Variants in CCBE1 observed in about 807,000 individuals in gnomAD.
CCBE1 encodes collagen and calcium binding EGF domains 1, also known as collagen and calcium-binding EGF domain-containing protein 1.
Under a neutral mutation model 50.0 loss-of-function variants are expected in CCBE1, and 37 were observed. The observed-to-expected ratio is 0.74, with a 90% CI of 0.57 to 0.97. The LOEUF is 0.97. Ranked by LOEUF, CCBE1 falls within the 50% of genes least tolerant of loss-of-function variation. The probability of loss-of-function intolerance (pLI) is 0.00; values close to 1 mark genes in which losing one functional copy is unlikely to be tolerated. For synonymous variants in CCBE1, 234 were observed against 203.7 expected, an observed-to-expected ratio of 1.15 and a Z score of -1.27; for missense variants, 538 against 523.8, an observed-to-expected ratio of 1.03 and a Z score of -0.26.
intron 5 of CCBE1, chr18:59,465,612 C>A (rs1182709946): frequency 6.6e-6 from 1 of 152,152 alleles, no homozygotes; most frequent in East Asian, 1.9e-4. Flanking sequence ...ATGTAAAATG[C>A]AAGCATAAAT....
At chr18:59,452,335 G>T (rs193275853) in intron 6 of CCBE1, among the ~76,000 whole-genome samples, 2 of 152,236 alleles carry the variant, frequency 1.3e-5, no homozygotes, top group Non-Finnish European at 2.9e-5. Context: ...GCTCATGCCT[G>T]TAATCCCAGG....
intron 2 of CCBE1, among the ~76,000 whole-genome samples, chr18:59,658,492 C>T (rs2054235809): frequency 1.4e-5 from 2 of 139,756 alleles, no homozygotes; most frequent in African/African-American, 5.3e-5. Context: ...TGCTCTAGCC[C>T]AAGAGCTCAA....
At chr18:59,692,027 G>A (rs1367471683) in intron 2 of CCBE1, among the ~76,000 whole-genome samples, 1 of 152,174 alleles carries the variant, frequency 6.6e-6, no homozygotes, top group East Asian at 1.9e-4. Flanking sequence ...AGGAAACAAA[G>A]ATACTCTAAT....
At chr18:59,636,688 A>G (rs2053921354) in intron 2 of CCBE1, among the ~76,000 whole-genome samples, 1 of 152,244 alleles carries the variant, frequency 6.6e-6, no homozygotes, top group Admixed American at 6.5e-5. Flanking sequence ...TCCTCACACT[A>G]AAGGAAAGTC....
At chr18:59,672,468 T>C (rs933463369) in intron 2 of CCBE1, among the ~76,000 whole-genome samples, 4 of 152,352 alleles carry the variant, frequency 2.6e-5, no homozygotes, top group Admixed American at 6.5e-5. Context: ...GGAATGCTTA[T>C]ACACCATAAA....
At chr18:59,464,520 C>A (rs1213304108) in intron 5 of CCBE1, among the ~76,000 whole-genome samples, 2 of 152,238 alleles carry the variant, frequency 1.3e-5, no homozygotes, top group African/African-American at 4.8e-5. Flanking sequence ...GTTTCCTCTG[C>A]CCTATGAACA....
intron 2 of CCBE1, among the ~76,000 whole-genome samples, chr18:59,547,426 T>C (rs779419358): frequency 7.9e-5 from 12 of 152,116 alleles, no homozygotes; most frequent in Non-Finnish European, 1.5e-5. Context: ...AGATGTCAAC[T>C]AGCAGTTGAC....
chr18:59,608,032 G>A (rs950462253), intron 2 of CCBE1, among the ~76,000 whole-genome samples: 6 of 152,118 alleles, frequency 3.9e-5, no homozygotes, highest in African/African-American at 7.2e-5. Context: ...CCGATATTGC[G>A]CCACTGCACT....
intron 2 of CCBE1, among the ~76,000 whole-genome samples, chr18:59,562,426 C>A (rs2052752963): frequency 6.6e-6 from 1 of 152,166 alleles, no homozygotes; most frequent in South Asian, 2.1e-4. Context: ...AATCAACCAG[C>A]TGCACAGAGA....
At chr18:59,651,791 G>A (rs2054131659) in intron 2 of CCBE1, among the ~76,000 whole-genome samples, 2 of 152,178 alleles carry the variant, frequency 1.3e-5, no homozygotes, top group Admixed American at 6.5e-5. Flanking sequence ...TATCAGTCCT[G>A]GGAAAGGGAA....
chr18:59,673,377 G>A (rs2054459790), intron 2 of CCBE1, among the ~76,000 whole-genome samples: 1 of 152,172 alleles, frequency 6.6e-6, no homozygotes, highest in Non-Finnish European at 1.5e-5. Context: ...CTTGAACCCA[G>A]GATGTGGAGG....
intron 2 of CCBE1, among the ~76,000 whole-genome samples, chr18:59,532,222 T>G (rs1339509487): frequency 6.6e-6 from 1 of 152,158 alleles, no homozygotes; most frequent in Non-Finnish European, 1.5e-5. Context: ...GATTTTTGTA[T>G]TTTTAGTAGA....
intron 2 of CCBE1, among the ~76,000 whole-genome samples, chr18:59,493,879 G>C (rs1913226367): frequency 6.6e-6 from 1 of 152,190 alleles, no homozygotes; most frequent in Non-Finnish European, 1.5e-5. Context: ...TATAGTAATA[G>C]TGAATAAATC....
At chr18:59,653,975 C>G (rs558479849) in intron 2 of CCBE1, among the ~76,000 whole-genome samples, 6 of 152,202 alleles carry the variant, frequency 3.9e-5, no homozygotes, top group African/African-American at 1.4e-4. Flanking sequence ...ATATTTATAG[C>G]TAGAAGGCTT....
At chr18:59,445,352 TAC>T (rs1168812734) in intron 7 of CCBE1, among the ~76,000 whole-genome samples, 3 of 152,334 alleles carry the variant, frequency 2.0e-5, no homozygotes, top group East Asian at 3.9e-4. Flanking sequence ...TAGTCCTGGA[TAC>T]ATAGTGGGCT....
intron 2 of CCBE1, among the ~76,000 whole-genome samples, chr18:59,570,264 A>C (rs1341931090): frequency 6.6e-6 from 1 of 152,140 alleles, no homozygotes; most frequent in Non-Finnish European, 1.5e-5. Flanking sequence ...CACAACCCAC[A>C]AGGGAGAGGA....
At chr18:59,492,521 G>T (rs1236384238) in intron 2 of CCBE1, among the ~76,000 whole-genome samples, 3 of 152,138 alleles carry the variant, frequency 2.0e-5, no homozygotes, top group African/African-American at 4.8e-5. Context: ...TGGGACACAT[G>T]CCCTCCCTCC....
At chr18:59,615,241 C>A (rs1227931790) in intron 2 of CCBE1, among the ~76,000 whole-genome samples, 1 of 152,206 alleles carries the variant, frequency 6.6e-6, no homozygotes, top group Admixed American at 6.5e-5. Context: ...GCTTGAAAAC[C>A]TGGATGGTTT....
At chr18:59,670,629 C>T (rs1385181378) in intron 2 of CCBE1, among the ~76,000 whole-genome samples, 1 of 152,170 alleles carries the variant, frequency 6.6e-6, no homozygotes, top group African/African-American at 2.4e-5. Context: ...CTATATCTTA[C>T]ACCAAGGAAT....
Sources: gnomAD v4.1 joint callset for allele counts (sites outside exome capture counted in the v4.1 genomes callset) on GRCh38, gnomAD v4.1.1 for gene constraint, MANE v1.5 for transcripts, NCBI Gene and HGNC (gene_info 2026-07-23, HGNC 2026-07-21) for gene names.